LRRC4C: variants seen among roughly 807,000 people sequenced by gnomAD.
LRRC4C encodes leucine rich repeat containing 4C.
Under a neutral mutation model 33.6 loss-of-function variants are expected in LRRC4C, and 5 were observed. The ratio of observed to expected loss-of-function variants is 0.15; its 90% CI spans 0.08 to 0.31. The LOEUF is 0.31. Ranked by LOEUF, LRRC4C falls within the 10% of genes least tolerant of loss-of-function variation. The pLI is 1.00. For missense variants in LRRC4C, 560 were observed against 796.7 expected, an observed-to-expected ratio of 0.70 and a Z score of 3.58; for synonymous variants, 329 against 302.0, an observed-to-expected ratio of 1.09 and a Z score of -0.93.
At chr11:40,999,628 C>T (rs1487015598) in intron 1 of LRRC4C, among the ~76,000 whole-genome samples, 1 of 152,080 alleles carries the variant, frequency 6.6e-6, no homozygotes, top group African/African-American at 2.4e-5. Flanking sequence ...AAAAGTACTA[C>T]ATTTGCTACT....
chr11:41,039,395 T>C (rs1307190066), intron 1 of LRRC4C, among the ~76,000 whole-genome samples: 1 of 152,202 alleles, frequency 6.6e-6, no homozygotes, highest in East Asian at 1.9e-4. Flanking sequence ...AATATTCCTG[T>C]ATTCACCCTC....
intron 4 of LRRC4C, chr11:40,292,201 A>T (rs544465244): frequency 6.6e-6 from 1 of 152,340 alleles, no homozygotes; most frequent in East Asian, 1.9e-4. Flanking sequence ...ACTGTATTTC[A>T]GACTGATCAC....
intron 1 of LRRC4C, among the ~76,000 whole-genome samples, chr11:41,439,104 T>C (rs548156006): frequency 6.6e-6 from 1 of 152,286 alleles, no homozygotes; most frequent in African/African-American, 2.4e-5. Flanking sequence ...CCACTCTGTA[T>C]ATCTATGAGT....
chr11:41,288,869 G>C (rs1005086941), intron 1 of LRRC4C, among the ~76,000 whole-genome samples: 5 of 152,066 alleles, frequency 3.3e-5, no homozygotes, highest in African/African-American at 1.2e-4. Flanking sequence ...CAGCAGGAGA[G>C]TGTCTTGCTG....
intron 3 of LRRC4C, among the ~76,000 whole-genome samples, chr11:40,334,220 C>A (rs1415747485): frequency 6.6e-6 from 1 of 151,942 alleles, no homozygotes; most frequent in African/African-American, 2.4e-5. Context: ...AAGACTGTTA[C>A]ATGATTTCTA....
intron 2 of LRRC4C, among the ~76,000 whole-genome samples, chr11:40,650,633 AT>A: frequency 6.6e-6 from 1 of 152,200 alleles, no homozygotes; most frequent in East Asian, 1.9e-4. Flanking sequence ...ACATCACATA[AT>A]TTTTTTCTCC....
Position 40,964,779 on chromosome 11 carries a change from AT to A in LRRC4C, c.-495-31057del, listed in dbSNP as rs963485104. ...TTAATCCAGTCTATCATTGTTGGAC[AT>A]TTGGGTTGGTTCCAAGTCTTTGCTA... On this transcript the variant is annotated intron_variant, in intron 1 of 6. Transcript: ENST00000528697. Among the ~76,000 whole-genome samples the A allele has an allele frequency of 1.1e-3, 168 of 151,896 alleles. 1 individual carries two copies. The highest frequency in any genetic ancestry group is 3.9e-3 in the African/African-American group (162 of 41,460).
intron 3 of LRRC4C, among the ~76,000 whole-genome samples, chr11:40,326,013 C>T (rs1195624135): frequency 6.7e-6 from 1 of 150,164 alleles, no homozygotes; most frequent in African/African-American, 2.5e-5. Context: ...AACATTGATC[C>T]AACCATGAGG....
intron 1 of LRRC4C, among the ~76,000 whole-genome samples, chr11:41,095,887 A>G (rs1940776853): frequency 6.6e-6 from 1 of 152,172 alleles, no homozygotes; most frequent in Non-Finnish European, 1.5e-5. Flanking sequence ...GTGGTCAACA[A>G]TTAATTTTTG....
intron 1 of LRRC4C, among the ~76,000 whole-genome samples, chr11:41,008,957 T>C (rs949804736): frequency 2.6e-5 from 4 of 152,130 alleles, no homozygotes; most frequent in Non-Finnish European, 5.9e-5. Flanking sequence ...CATTTGTGTC[T>C]TCTTCAATTG....
At position 40,811,703 on chromosome 11, in the gene LRRC4C, C is replaced by A. The variant is rs574719895; in HGVS notation, c.-407+121932G>T. 1.4e-3 allele frequency among the ~76,000 whole-genome samples: 216 copies of A among 152,130 alleles called. 1 individual carries two copies. The highest frequency in any genetic ancestry group is 4.9e-3 in the African/African-American group (205 of 41,520). ...AGTAGAGAAGGGTTTCACCATGTTG[C>A]CCAAGCTGGTCTCAAACTCTGAGCT... On this transcript the variant is annotated intron_variant, in intron 2 of 6. Coordinates refer to ENST00000528697, the MANE Select transcript of LRRC4C (RefSeq NM_001258419.2).
At chr11:40,142,198 G>A (rs534072908) in intron 5 of LRRC4C, among the ~76,000 whole-genome samples, 1 of 138,028 alleles carries the variant, frequency 7.2e-6, no homozygotes, top group East Asian at 2.3e-4. Context: ...AGAATTGCTT[G>A]GACTTGGTAG....
chr11:40,577,191 A>C (rs893337495), intron 3 of LRRC4C, among the ~76,000 whole-genome samples: 1 of 152,204 alleles, frequency 6.6e-6, no homozygotes, highest in African/African-American at 2.4e-5. Flanking sequence ...GAAAAAGAGC[A>C]ACCCAAAATT....
At chr11:41,107,483 A>G (rs1434414041) in intron 1 of LRRC4C, among the ~76,000 whole-genome samples, 1 of 152,110 alleles carries the variant, frequency 6.6e-6, no homozygotes, top group Non-Finnish European at 1.5e-5. Context: ...AGGAGTATTT[A>G]TGTTTTATTT....
intron 1 of LRRC4C, among the ~76,000 whole-genome samples, chr11:41,092,904 C>T (rs905118402): frequency 6.6e-6 from 1 of 152,128 alleles, no homozygotes; most frequent in African/African-American, 2.4e-5. Flanking sequence ...GTTCTTTTAA[C>T]TCTAGAATAA....
intron 1 of LRRC4C, among the ~76,000 whole-genome samples, chr11:41,438,834 A>G (rs1955524105): frequency 6.6e-6 from 1 of 152,230 alleles, no homozygotes; most frequent in Admixed American, 6.6e-5. Flanking sequence ...AAGGAAACCG[A>G]TTTGATTCTA....
chr11:40,158,597 A>G (rs1590564311), intron 5 of LRRC4C, among the ~76,000 whole-genome samples: 1 of 151,072 alleles, frequency 6.6e-6, no homozygotes, highest in East Asian at 2.0e-4. Flanking sequence ...AAAAAAATAG[A>G]TTCCCTGGCA....
intron 1 of LRRC4C, among the ~76,000 whole-genome samples, chr11:41,096,507 G>T (rs1010106974): frequency 6.6e-6 from 1 of 152,162 alleles, no homozygotes; most frequent in Non-Finnish European, 1.5e-5. Context: ...GGGGATAATT[G>T]TTGAGATTAT....
chr11:41,111,836 A>T (rs1199052938), intron 1 of LRRC4C, among the ~76,000 whole-genome samples: 2 of 152,040 alleles, frequency 1.3e-5, no homozygotes, highest in African/African-American at 4.8e-5. Flanking sequence ...GAGATTGTCC[A>T]TCATGATTAA....
Sources: allele counts gnomAD v4.1 joint callset (sites outside exome capture counted in the v4.1 genomes callset), GRCh38; gene constraint gnomAD v4.1.1; transcripts MANE v1.5; gene names NCBI Gene and HGNC (gene_info 2026-07-23, HGNC 2026-07-21).